LRRC7: variants seen among roughly 807,000 people sequenced by gnomAD.
LRRC7 encodes the protein leucine-rich repeat-containing protein 7.
A neutral mutation model predicts 175.7 loss-of-function variants in LRRC7; 23 were observed. The observed-to-expected ratio is 0.13, with a 90% CI of 0.09 to 0.19. The LOEUF (loss-of-function observed/expected upper bound fraction) is 0.19, where lower values mean the gene tolerates loss of function less well. Ranked by LOEUF, LRRC7 falls within the 10% of genes least tolerant of loss-of-function variation. The pLI is 1.00. For missense variants in LRRC7, 1,354 were observed against 1,904.7 expected (o/e 0.71, Z 5.38); for synonymous variants, 685 against 680.9 (o/e 1.01, Z -0.09).
chr1:69,824,876 C>T (rs1679722389), intron 4 of LRRC7, among the ~76,000 whole-genome samples: 1 of 152,114 alleles, frequency 6.6e-6, no homozygotes, highest in Non-Finnish European at 1.5e-5. Flanking sequence ...GCAGGCATAT[C>T]GCATAATAAC....
chr1:69,955,995 A>C (rs1367307656), intron 8 of LRRC7, among the ~76,000 whole-genome samples: 1 of 151,970 alleles, frequency 6.6e-6, no homozygotes, highest in Non-Finnish European at 1.5e-5. Context: ...AGACTAATAA[A>C]AAATACCTAA....
chr1:69,636,278 G>T (rs1437546507), intron 1 of LRRC7, among the ~76,000 whole-genome samples: 1 of 151,886 alleles, frequency 6.6e-6, no homozygotes, highest in African/African-American at 2.4e-5. Context: ...ACTTGTATAT[G>T]ACAGTTTCAT....
chr1:69,610,166 G>A (rs1049458482), intron 1 of LRRC7, among the ~76,000 whole-genome samples: 2 of 151,894 alleles, frequency 1.3e-5, no homozygotes, highest in Non-Finnish European at 2.9e-5. Flanking sequence ...CAATTTATTT[G>A]TTGAAGAAAC....
Position 69,867,272 on chromosome 1 carries a change from A to T in LRRC7, c.647+28989A>T, listed in dbSNP as rs78213286. ...CTTCTATCAAATTTCCAATCTTGGG[A>T]TGGAATCAGGTACACAGACTCACAA... On this transcript the variant is annotated intron_variant, in intron 7 of 26. Transcript: ENST00000651989. 8.1e-3 allele frequency among the ~76,000 whole-genome samples: 1,230 copies of T among 152,134 alleles called. 17 individuals carry two copies. Among genetic ancestry groups the T allele is most frequent in the African/African-American group, 0.028 (1,172 of 41,492 alleles).
intron 3 of LRRC7, among the ~76,000 whole-genome samples, chr1:69,760,676 G>A (rs1266397201): frequency 6.6e-6 from 1 of 151,900 alleles, no homozygotes. Context: ...ATATAGAGTA[G>A]AGGGTTGAGA....
intron 7 of LRRC7, among the ~76,000 whole-genome samples, chr1:69,928,528 A>C (rs903766634): frequency 3.9e-5 from 6 of 152,110 alleles, no homozygotes; most frequent in African/African-American, 1.4e-4. Context: ...CCCCTCCCCC[A>C]GCGTTGCTGC....
chr1:69,877,418 A>C (rs1303428281), intron 7 of LRRC7, among the ~76,000 whole-genome samples: 1 of 152,050 alleles, frequency 6.6e-6, no homozygotes, highest in African/African-American at 2.4e-5. Flanking sequence ...ACACCACTGC[A>C]CTCCAGCCTG....
chr1:70,125,378 C>A lies in LRRC7; in HGVS notation c.*3491C>A, dbSNP rs1318716069. On this transcript the variant is annotated 3_prime_UTR_variant, in exon 27 of 27. Coordinates refer to ENST00000651989, the MANE Select transcript of LRRC7 (RefSeq NM_001370785.2). ...TCACGACCTTTGAGATGGAAAACAGCTTTGAGGAGAGACTGACAAGCCAAT... is the reference window on the plus strand; with the variant it reads ...TCACGACCTTTGAGATGGAAAACAGATTTGAGGAGAGACTGACAAGCCAAT... Among the ~76,000 whole-genome samples, 12 of 152,146 alleles carry A rather than the reference C, an allele frequency of 7.9e-5. No individual in the cohort carries two copies.
At chr1:69,830,343 AT>A (rs1680387661) in intron 5 of LRRC7, among the ~76,000 whole-genome samples, 1 of 151,808 alleles carries the variant, frequency 6.6e-6, no homozygotes, top group Non-Finnish European at 1.5e-5. Flanking sequence ...GATTTGGCAT[AT>A]TTACTAATAG....
chr1:69,806,131 C>T (rs1295770093), intron 4 of LRRC7, among the ~76,000 whole-genome samples: 2 of 151,908 alleles, frequency 1.3e-5, no homozygotes, highest in Non-Finnish European at 2.9e-5. Flanking sequence ...ATGAACGTTA[C>T]CTTGTTTCTA....
intron 23 of LRRC7, among the ~76,000 whole-genome samples, chr1:70,070,974 C>T (rs551304421): frequency 1.3e-5 from 2 of 152,328 alleles, no homozygotes; most frequent in Admixed American, 1.3e-4. Context: ...CCTTCTCTAA[C>T]ACCACTCTAG....
chr1:70,033,452 CATT>C (rs559847374), intron 18 of LRRC7, among the ~76,000 whole-genome samples: 3 of 152,260 alleles, frequency 2.0e-5, no homozygotes, highest in Admixed American at 6.5e-5. Context: ...TCATTATCAT[CATT>C]GTCATCATCA....
At chr1:70,051,972 T>G (rs1487647406) in intron 22 of LRRC7, among the ~76,000 whole-genome samples, 1 of 152,054 alleles carries the variant, frequency 6.6e-6, no homozygotes, top group African/African-American at 2.4e-5. Context: ...GTTCTCCCTT[T>G]CTAGGTAGGG....
chr1:69,621,508 A>G (rs2100319909), intron 1 of LRRC7, among the ~76,000 whole-genome samples: 1 of 152,276 alleles, frequency 6.6e-6, no homozygotes, highest in East Asian at 1.9e-4. Context: ...CTTGACTCAG[A>G]TGCATATAGG....
intron 8 of LRRC7, among the ~76,000 whole-genome samples, chr1:69,951,096 A>C (rs1045276809): frequency 1.4e-4 from 20 of 138,604 alleles, no homozygotes; most frequent in African/African-American, 5.9e-4. Context: ...ACAAATTTAC[A>C]AAAAAAAAAA....
At chr1:69,885,533 G>T (rs1169868564) in intron 7 of LRRC7, among the ~76,000 whole-genome samples, 1 of 139,534 alleles carries the variant, frequency 7.2e-6, no homozygotes, top group Non-Finnish European at 1.5e-5. Flanking sequence ...CTTGCTAGCA[G>T]TCTATCAGTT....
intron 3 of LRRC7, among the ~76,000 whole-genome samples, chr1:69,779,156 T>G (rs941637101): frequency 6.6e-6 from 1 of 152,038 alleles, no homozygotes; most frequent in African/African-American, 2.4e-5. Context: ...AAGCCAGTAG[T>G]TTTTTATATG....
intron 11 of LRRC7, among the ~76,000 whole-genome samples, chr1:69,999,850 G>A (rs1655360563): frequency 6.6e-6 from 1 of 152,134 alleles, no homozygotes; most frequent in Non-Finnish European, 1.5e-5. Context: ...GAGAAATAGA[G>A]TATCTAAAAG....
At chr1:69,753,619 C>G (rs1431116277) in intron 2 of LRRC7, among the ~76,000 whole-genome samples, 1 of 151,904 alleles carries the variant, frequency 6.6e-6, no homozygotes, top group Non-Finnish European at 1.5e-5. Context: ...AAGTAGTGTA[C>G]AAATAAAAGT....
Sources: allele counts gnomAD v4.1 joint callset (sites outside exome capture counted in the v4.1 genomes callset), GRCh38; gene constraint gnomAD v4.1.1; transcripts MANE v1.5; gene names NCBI Gene and HGNC (gene_info 2026-07-23, HGNC 2026-07-21).